The following CREBRF variants were observed in gnomAD, a reference collection of about 807,000 sequenced individuals.
CREBRF encodes UPF0474 protein C5orf41.
CREBRF carries 5 observed loss-of-function variants against 66.1 expected under a neutral mutation model. The observed-to-expected ratio is 0.08, with a 90% CI of 0.04 to 0.16. The LOEUF is 0.16. CREBRF is among the 10% of genes least tolerant of loss of function. The pLI is 1.00. For synonymous variants in CREBRF, 229 were observed against 264.4 expected (o/e 0.87, Z 1.30); for missense variants, 531 against 744.9 (o/e 0.71, Z 3.34).
intron 4 of CREBRF, among the ~76,000 whole-genome samples, chr5:173,092,708 A>C (rs997031311): frequency 6.6e-6 from 1 of 152,232 alleles, no homozygotes; most frequent in African/African-American, 2.4e-5. Flanking sequence ...CATAATACCT[A>C]TATTGTAACT....
chr5:173,095,699 T>C (rs1758461376), intron 4 of CREBRF, among the ~76,000 whole-genome samples: 1 of 152,126 alleles, frequency 6.6e-6, no homozygotes, highest in Non-Finnish European at 1.5e-5. Context: ...ATTCTTCCAA[T>C]CCATAAACAT....
At position 173,138,056 on chromosome 5, in the gene CREBRF, G is replaced by A. The variant is rs1258095643; in HGVS notation, c.*4311G>A. 1 of 152,124 alleles carries A rather than the reference G, an allele frequency of 6.6e-6. No homozygotes were observed. Among genetic ancestry groups the A allele is most frequent in the Non-Finnish European group, 1.5e-5 (1 of 68,008 alleles). 9.4% of individuals were successfully genotyped at this position (152,124 alleles called of 1,614,324 possible). A position where few individuals can be genotyped will look rare whatever the true frequency, so the allele number is the denominator to read the frequency against. Reference sequence around the variant, plus strand: ...TATCCTTCTAGTGAAGTCTGTTGTGGAATACCATTTCCCATGGAACTGAGG... The same window carrying A: ...TATCCTTCTAGTGAAGTCTGTTGTGAAATACCATTTCCCATGGAACTGAGG... On this transcript the variant is annotated 3_prime_UTR_variant, in exon 9 of 9. Coordinates refer to ENST00000296953, the MANE Select transcript of CREBRF (RefSeq NM_153607.3).
At chr5:173,062,747 CTTT>C (rs35042056) in intron 1 of CREBRF, among the ~76,000 whole-genome samples, 1 of 118,736 alleles carries the variant, frequency 8.4e-6, no homozygotes, top group Non-Finnish European at 1.7e-5. Context: ...TAAAATCATT[CTTT>C]TTTTTTTTTT....
intron 5 of CREBRF, 132 bp downstream of exon 5, chr5:173,108,950 T>C (rs914178966): frequency 5.5e-6 from 4 of 729,532 alleles, no homozygotes; most frequent in Non-Finnish European, 6.7e-6. Flanking sequence ...GTAGAGCTGC[T>C]ACATTTGTGT....
chr5:173,066,390 A>G (rs1002805909), intron 1 of CREBRF, among the ~76,000 whole-genome samples: 1 of 152,204 alleles, frequency 6.6e-6, no homozygotes, highest in African/African-American at 2.4e-5. Context: ...ATTGTTTGAT[A>G]ACAAAGTCCA....
intron 8 of CREBRF, among the ~76,000 whole-genome samples, chr5:173,131,594 T>C (rs1561585070): frequency 6.6e-6 from 1 of 152,306 alleles, no homozygotes; most frequent in East Asian, 1.9e-4. Context: ...GAATACATCA[T>C]ACAACCTTTT....
At chr5:173,101,358 A>C (rs1013303270) in intron 4 of CREBRF, among the ~76,000 whole-genome samples, 2 of 151,854 alleles carry the variant, frequency 1.3e-5, no homozygotes, top group Non-Finnish European at 2.9e-5. Flanking sequence ...TGCCCAGCCC[A>C]GTGGTTTTTT....
At chr5:173,100,112 G>A (rs1581687100) in intron 4 of CREBRF, among the ~76,000 whole-genome samples, 1 of 127,622 alleles carries the variant, frequency 7.8e-6, no homozygotes, top group Admixed American at 7.9e-5. Context: ...GTGTGTGTGT[G>A]TGTGTGTATA....
At chr5:173,085,719 C>A in intron 2 of CREBRF, 2 of 754,322 alleles carry the variant, frequency 2.7e-6, no homozygotes, top group South Asian at 2.8e-5. Flanking sequence ...ACCCGGCCAT[C>A]AGATACATTC....
intron 1 of CREBRF, among the ~76,000 whole-genome samples, chr5:173,077,086 GGCGC>G (rs1757788997): frequency 6.6e-6 from 1 of 151,556 alleles, no homozygotes; most frequent in Non-Finnish European, 1.5e-5. Context: ...TGGGATTACA[GGCGC>G]CCGCCACCAT....
chr5:173,066,037 C>T (rs1040110978), intron 1 of CREBRF, among the ~76,000 whole-genome samples: 12 of 152,160 alleles, frequency 7.9e-5, no homozygotes, highest in African/African-American at 2.6e-4. Flanking sequence ...AAGCTGGCCT[C>T]AAACTCCCGG....
chr5:173,079,032 T>C (rs1349944338), intron 1 of CREBRF, among the ~76,000 whole-genome samples: 1 of 152,104 alleles, frequency 6.6e-6, no homozygotes, highest in African/African-American at 2.4e-5. Flanking sequence ...ATTAGGGCAA[T>C]GATTATGACT....
intron 7 of CREBRF, among the ~76,000 whole-genome samples, chr5:173,116,177 A>G (rs1372289062): frequency 1.3e-5 from 2 of 152,216 alleles, no homozygotes; most frequent in Non-Finnish European, 2.9e-5. Flanking sequence ...GGTAGAGATT[A>G]ATTTCAGACT....
At chr5:173,124,360 C>A (rs1376397271) in intron 8 of CREBRF, 2 of 151,808 alleles carry the variant, frequency 1.3e-5, no homozygotes, top group Non-Finnish European at 2.9e-5. Flanking sequence ...GAGTTCGAGA[C>A]CAGCCTGGCC....
At chr5:173,078,381 CA>C (rs1295998951) in intron 1 of CREBRF, among the ~76,000 whole-genome samples, 1 of 152,008 alleles carries the variant, frequency 6.6e-6, no homozygotes, top group Non-Finnish European at 1.5e-5. Flanking sequence ...CCATATAAAA[CA>C]AGAGCTGCAG....
intron 8 of CREBRF, among the ~76,000 whole-genome samples, chr5:173,127,087 C>T (rs977956976): frequency 6.6e-6 from 1 of 151,728 alleles, no homozygotes; most frequent in Non-Finnish European, 1.5e-5. Context: ...TCAAAAACAA[C>T]AATAACAACA....
rs117958241 is a variant in CREBRF at position 173,069,647 on chromosome 5, A to G, written c.-191-10938A>G. On this transcript the variant is annotated intron_variant, in intron 1 of 8. Coordinates refer to ENST00000296953, the MANE Select transcript of CREBRF (RefSeq NM_153607.3). ...ATGAAATTCAAAATATTCACTCACA[A>G]TGCATAACCTTTTACCTAGAGTTTG... is the stretch of plus-strand genomic sequence containing the variant. Among the ~76,000 whole-genome samples, 640 of 152,138 alleles carry G rather than the reference A, an allele frequency of 4.2e-3. 12 individuals are homozygous for G. The highest frequency in any genetic ancestry group is 0.038 in the East Asian group (194 of 5,154).
In CREBRF at chr5:173,108,769, C is replaced by T. The variant is rs1265624635; in HGVS notation, c.1368C>T (p.Asn456=). Residue 456 remains asparagine (N), a synonymous_variant, in exon 5 of 9, where the codon AAC becomes AAT. Coordinates refer to ENST00000296953, the MANE Select transcript of CREBRF (RefSeq NM_153607.3). ...GGATGCTGAGACCATCTGAGTGGAA[C>T]CGAGATACTTTGCCAAGTAATATGT... ...QERMLRPSEW[N]RDTLPSNMYQ... is the part of the protein sequence containing the mutation. The T allele has an allele frequency of 1.9e-6, 3 of 1,613,604 alleles. No homozygotes were observed. In the African/African-American group the frequency reaches 4.0e-5, roughly 22 times the overall value.
rs766496925 is a variant in CREBRF, at chr5:173,110,424, A to G, written c.1418-98A>G. ...AACATGCCAAGACTTCTGAAAAGAA[A>G]AGGTAGTGGTGGGAAGTGGTTAAAA... On this transcript the variant is annotated intron_variant, in intron 5 of 8. Coordinates refer to ENST00000296953, the MANE Select transcript of CREBRF (RefSeq NM_153607.3). 8 of 842,406 alleles carry G rather than the reference A, an allele frequency of 9.5e-6. No homozygotes were observed. In the East Asian group the frequency reaches 1.9e-4, roughly 20 times the overall value. The allele number at this position is 842,406 out of a possible 1,614,324, so 52.2% of individuals were successfully genotyped here.
Sources: gnomAD v4.1 joint callset for allele counts (sites outside exome capture counted in the v4.1 genomes callset) on GRCh38, gnomAD v4.1.1 for gene constraint, MANE v1.5 for transcripts, NCBI Gene and HGNC (gene_info 2026-07-23, HGNC 2026-07-21) for gene names.